PIBF1: variants seen among roughly 807,000 people sequenced by gnomAD.
The protein encoded by PIBF1 is progesterone immunomodulatory binding factor 1, also known as progesterone-induced-blocking factor 1.
A neutral mutation model predicts 112.5 loss-of-function variants in PIBF1; 90 were observed. The ratio of observed to expected loss-of-function variants is 0.80; its 90% CI spans 0.67 to 0.95. The LOEUF is 0.95. PIBF1 is among the 40% of genes least tolerant of loss of function. The probability of loss-of-function intolerance (pLI) is 0.00; values close to 1 mark genes in which losing one functional copy is unlikely to be tolerated. For synonymous variants in PIBF1, 301 were observed against 288.6 expected (o/e 1.04, Z -0.44); for missense variants, 915 against 852.3 (o/e 1.07, Z -0.92).
rs368695640 is a variant in PIBF1, at chr13:72,928,006, C to T, written c.1731-3159C>T. ...ATATATATACACACACATATATATACATATATATACATATATATACATATA... is the reference window on the plus strand; with the variant it reads ...ATATATATACACACACATATATATATATATATATACATATATATACATATA... On this transcript the variant is annotated intron_variant, in intron 13 of 17. Transcript: ENST00000326291. Among the ~76,000 whole-genome samples, 138 of 101,742 alleles carry T rather than the reference C, an allele frequency of 1.4e-3. 6 individuals are homozygous for T. Among genetic ancestry groups the T allele is most frequent in the African/African-American group, 6.6e-3 (117 of 17,750 alleles). The allele number at this position is 101,742 out of a possible 152,430, so 66.7% of individuals were successfully genotyped here. A position where few individuals can be genotyped will look rare whatever the true frequency, so the allele number is the denominator to read the frequency against.
chr13:73,007,847 T>G (rs923838720), intron 17 of PIBF1, among the ~76,000 whole-genome samples: 8 of 151,524 alleles, frequency 5.3e-5, no homozygotes, highest in Admixed American at 5.3e-4. Flanking sequence ...ATTCTTAGCA[T>G]GCACCCCATA....
At chr13:72,817,578 T>A (rs1238946110) in intron 5 of PIBF1, among the ~76,000 whole-genome samples, 2 of 152,192 alleles carry the variant, frequency 1.3e-5, no homozygotes, top group Non-Finnish European at 2.9e-5. Flanking sequence ...TCCTTAGAGT[T>A]TTCCTTATGA....
In PIBF1 at chr13:72,908,518, C is replaced by T; in HGVS notation, c.1489-13C>T. 6.4e-7 allele frequency: 1 copy of T among 1,568,094 alleles called. No homozygotes were observed. Among genetic ancestry groups the T allele is most frequent in the South Asian group, 1.2e-5 (1 of 83,766 alleles). Reference sequence around the variant, plus strand: ...TTAATTCTGCCTTTGTAATTCTTCTCTTTCACTATTAGGTTTTAACCAAAG... The same window carrying T: ...TTAATTCTGCCTTTGTAATTCTTCTTTTTCACTATTAGGTTTTAACCAAAG... On this transcript the variant is annotated splice_polypyrimidine_tract_variant and intron_variant, in intron 11 of 17. Coordinates refer to ENST00000326291, the MANE Select transcript of PIBF1 (RefSeq NM_006346.4).
At chr13:72,986,981 G>A (rs1310628732) in intron 16 of PIBF1, among the ~76,000 whole-genome samples, 5 of 152,108 alleles carry the variant, frequency 3.3e-5, no homozygotes, top group Non-Finnish European at 5.9e-5. Context: ...GTGAGCCACC[G>A]CGCCCGGCCT....
intron 14 of PIBF1, among the ~76,000 whole-genome samples, chr13:72,943,705 CG>C (rs1566475504): frequency 6.6e-6 from 1 of 152,194 alleles, no homozygotes; most frequent in African/African-American, 2.4e-5. Flanking sequence ...TTGTTACCTT[CG>C]TACTCCTCAG....
chr13:73,007,299 G>GTT (rs200537484), intron 17 of PIBF1, among the ~76,000 whole-genome samples: 7 of 139,772 alleles, frequency 5.0e-5, no homozygotes, highest in Non-Finnish European at 7.8e-5. Flanking sequence ...TTTTGTTTTT[G>GTT]TTTTTTTTTT....
chr13:72,975,517 A>G (rs937272829), intron 16 of PIBF1, among the ~76,000 whole-genome samples: 1 of 152,142 alleles, frequency 6.6e-6, no homozygotes, highest in African/African-American at 2.4e-5. Flanking sequence ...TATCCTAGAG[A>G]TGGTGTCAGA....
intron 11 of PIBF1, among the ~76,000 whole-genome samples, chr13:72,895,997 G>A (rs1441435614): frequency 6.6e-6 from 1 of 152,118 alleles, no homozygotes; most frequent in Non-Finnish European, 1.5e-5. Context: ...GCCTGTGACT[G>A]TTGGCTTTCC....
chr13:72,956,212 T>G (rs537478395), intron 14 of PIBF1, among the ~76,000 whole-genome samples: 128 of 152,216 alleles, frequency 8.4e-4, no homozygotes, highest in African/African-American at 3.0e-3. Context: ...TCTGTCTCCA[T>G]CCTATTTCCC....
intron 11 of PIBF1, among the ~76,000 whole-genome samples, chr13:72,901,812 G>C (rs1211884169): frequency 1.3e-5 from 2 of 152,036 alleles, no homozygotes; most frequent in Non-Finnish European, 2.9e-5. Flanking sequence ...ATTCCTTAAA[G>C]AACTAAAAGT....
At chr13:72,901,186 C>T (rs548105618) in intron 11 of PIBF1, 17 of 292,264 alleles carry the variant, frequency 5.8e-5, no homozygotes, top group South Asian at 4.1e-4. Flanking sequence ...GATGAATATC[C>T]GGAATCTACA....
At chr13:72,947,624 G>T (rs1354797149) in intron 14 of PIBF1, among the ~76,000 whole-genome samples, 1 of 152,114 alleles carries the variant, frequency 6.6e-6, no homozygotes, top group Non-Finnish European at 1.5e-5. Context: ...TTGCCTCTTA[G>T]AAATTTTTCC....
chr13:72,820,770 A>G (rs992701173), intron 5 of PIBF1, among the ~76,000 whole-genome samples: 1 of 152,180 alleles, frequency 6.6e-6, no homozygotes, highest in Non-Finnish European at 1.5e-5. Context: ...GATGCATTTA[A>G]CATGCCAGCT....
chr13:72,846,867 C>G (rs1012705515), intron 9 of PIBF1, among the ~76,000 whole-genome samples: 8 of 152,146 alleles, frequency 5.3e-5, no homozygotes, highest in Non-Finnish European at 1.0e-4. Context: ...CAGTCCTGGA[C>G]TCCCAGGTAC....
chr13:72,865,076 A>T (rs775118960), intron 10 of PIBF1, among the ~76,000 whole-genome samples: 1 of 152,232 alleles, frequency 6.6e-6, no homozygotes, highest in Non-Finnish European at 1.5e-5. Context: ...TACCATTTTT[A>T]AATTTTGTTA....
intron 10 of PIBF1, among the ~76,000 whole-genome samples, chr13:72,885,744 G>A (rs1173941413): frequency 6.6e-6 from 1 of 152,132 alleles, no homozygotes; most frequent in African/African-American, 2.4e-5. Flanking sequence ...CAGAACCGTG[G>A]CATCTAGAGT....
At chr13:72,918,282 T>C (rs2041169085) in intron 13 of PIBF1, among the ~76,000 whole-genome samples, 1 of 152,160 alleles carries the variant, frequency 6.6e-6, no homozygotes. Context: ...AACTGTTTTC[T>C]CTGTACCACA....
At chr13:72,915,985 T>G (rs2041078574) in intron 12 of PIBF1, among the ~76,000 whole-genome samples, 1 of 152,150 alleles carries the variant, frequency 6.6e-6, no homozygotes, top group South Asian at 2.1e-4. Flanking sequence ...TGGTGATAAA[T>G]AATATTATGA....
intron 9 of PIBF1, among the ~76,000 whole-genome samples, chr13:72,837,069 T>C (rs913570497): frequency 2.6e-5 from 4 of 152,042 alleles, no homozygotes; most frequent in Admixed American, 2.0e-4. Flanking sequence ...TCAATGAAAA[T>C]GGCAAAGAAT....
Sources: allele counts gnomAD v4.1 joint callset (sites outside exome capture counted in the v4.1 genomes callset), GRCh38; gene constraint gnomAD v4.1.1; transcripts MANE v1.5; gene names NCBI Gene and HGNC (gene_info 2026-07-23, HGNC 2026-07-21).